Variants in CTNNA3 observed in about 807,000 individuals in gnomAD.
CTNNA3 encodes the protein catenin alpha 3.
In CTNNA3, 76 loss-of-function variants were observed where a neutral mutation model predicts 95.7. That is an observed-to-expected ratio of 0.79 (90% CI 0.66 to 0.96). The LOEUF is 0.96. Among genes scored for constraint, CTNNA3 ranks in the 40% least tolerant of loss-of-function variants. CTNNA3 has a pLI of 0.00. For missense variants in CTNNA3, 1,191 were observed against 1,089.8 expected (o/e 1.09, Z -1.31); for synonymous variants, 431 against 374.4 (o/e 1.15, Z -1.74).
chr10:67,420,638 T>C (rs1243207643), intron 5 of CTNNA3, among the ~76,000 whole-genome samples: 1 of 152,162 alleles, frequency 6.6e-6, no homozygotes, highest in Non-Finnish European at 1.5e-5. Context: ...CACATTATTA[T>C]ATTTATTTTA....
At chr10:66,128,108 A>G (rs1259326526) in intron 13 of CTNNA3, among the ~76,000 whole-genome samples, 1 of 152,184 alleles carries the variant, frequency 6.6e-6, no homozygotes. Context: ...ACTGTTTTAT[A>G]AGATAAAGTA....
intron 7 of CTNNA3, among the ~76,000 whole-genome samples, chr10:67,114,817 A>G (rs1859087970): frequency 6.6e-6 from 1 of 151,358 alleles, no homozygotes; most frequent in Non-Finnish European, 1.5e-5. Flanking sequence ...TCAGCCCTGA[A>G]GGGTACAATT....
chr10:66,499,046 A>G (rs1840191353), intron 11 of CTNNA3, among the ~76,000 whole-genome samples: 3 of 152,128 alleles, frequency 2.0e-5, no homozygotes, highest in Admixed American at 1.3e-4. Context: ...GTAAAACCTA[A>G]CCATCTGTAC....
intron 7 of CTNNA3, among the ~76,000 whole-genome samples, chr10:66,987,645 T>C (rs1850807793): frequency 6.6e-6 from 1 of 152,200 alleles, no homozygotes; most frequent in South Asian, 2.1e-4. Flanking sequence ...AAGCTTTGTA[T>C]AGTTAACTTT....
At chr10:66,088,173 C>T (rs2081060430) in intron 14 of CTNNA3, among the ~76,000 whole-genome samples, 1 of 151,872 alleles carries the variant, frequency 6.6e-6, no homozygotes, top group Non-Finnish European at 1.5e-5. Flanking sequence ...TCTGTACTTT[C>T]ATACAGAATA....
intron 13 of CTNNA3, among the ~76,000 whole-genome samples, chr10:66,207,107 G>T (rs1461833068): frequency 6.6e-6 from 1 of 151,404 alleles, no homozygotes; most frequent in Non-Finnish European, 1.5e-5. Context: ...AAAAGAGAAA[G>T]ATTATAAGAC....
chr10:66,716,154 G>C (rs1458458810), intron 9 of CTNNA3, among the ~76,000 whole-genome samples: 2 of 152,032 alleles, frequency 1.3e-5, no homozygotes, highest in African/African-American at 2.4e-5. Context: ...AAATGTAGGA[G>C]TACTATGATT....
At chr10:67,591,597 A>C (rs1842788596) in intron 3 of CTNNA3, among the ~76,000 whole-genome samples, 2 of 152,208 alleles carry the variant, frequency 1.3e-5, no homozygotes, top group African/African-American at 4.8e-5. Context: ...ACACAGGATT[A>C]TTAACCATAA....
intron 5 of CTNNA3, among the ~76,000 whole-genome samples, chr10:67,350,739 T>C (rs1057303543): frequency 6.6e-6 from 1 of 151,606 alleles, no homozygotes; most frequent in South Asian, 2.1e-4. Context: ...CTCTCATAGG[T>C]TGCTGATGAG....
chr10:67,530,423 G>A (rs917863531), intron 4 of CTNNA3, among the ~76,000 whole-genome samples: 6 of 152,222 alleles, frequency 3.9e-5, no homozygotes, highest in African/African-American at 1.4e-4. Flanking sequence ...GGGAACTGGA[G>A]CAAAGGTGAC....
At chr10:67,335,987 G>T (rs867285093) in intron 5 of CTNNA3, among the ~76,000 whole-genome samples, 7 of 151,012 alleles carry the variant, frequency 4.6e-5, no homozygotes, top group South Asian at 4.2e-4. Flanking sequence ...GTCACATTTT[G>T]GTAATTTCCA....
At chr10:67,723,288 C>CTTTTTTTTT (rs796834009) in intron 1 of CTNNA3, among the ~76,000 whole-genome samples, 1 of 140,990 alleles carries the variant, frequency 7.1e-6, no homozygotes, top group African/African-American at 2.6e-5. Context: ...CACCTGGCCT[C>CTTTTTTTTT]TTTTTTTTTT....
At chr10:67,446,618 G>A (rs10997645) in intron 5 of CTNNA3, among the ~76,000 whole-genome samples, 15,640 of 151,904 alleles carry the variant, frequency 0.1, 1,060 homozygotes, top group African/African-American at 0.18. Flanking sequence ...CTTTCTTCTC[G>A]CTTTGAAATG....
chr10:66,169,986 T>G (rs2085333300), intron 13 of CTNNA3, among the ~76,000 whole-genome samples: 2 of 152,168 alleles, frequency 1.3e-5, no homozygotes, highest in Admixed American at 1.3e-4. Context: ...TTTACTCTGC[T>G]GACTATTTCT....
intron 10 of CTNNA3, among the ~76,000 whole-genome samples, chr10:66,615,194 A>G (rs1241492305): frequency 6.6e-6 from 1 of 151,986 alleles, no homozygotes; most frequent in Non-Finnish European, 1.5e-5. Context: ...ATTTCCTTCT[A>G]TTTCACAAGC....
intron 5 of CTNNA3, among the ~76,000 whole-genome samples, chr10:67,320,851 G>C (rs1013982007): frequency 6.6e-6 from 1 of 152,166 alleles, no homozygotes; most frequent in South Asian, 2.1e-4. Context: ...ATTAAAAGAA[G>C]AGAATTGAGA....
At chr10:66,920,584 A>C (rs1846738599) in intron 7 of CTNNA3, among the ~76,000 whole-genome samples, 1 of 152,198 alleles carries the variant, frequency 6.6e-6, no homozygotes, top group Admixed American at 6.5e-5. Context: ...CTGTTCAAAA[A>C]CTACCTTTAA....
intron 9 of CTNNA3, among the ~76,000 whole-genome samples, chr10:66,628,347 T>A (rs1845011285): frequency 6.6e-6 from 1 of 152,030 alleles, no homozygotes; most frequent in African/African-American, 2.4e-5. Flanking sequence ...ATAAAAATGA[T>A]CCTAATTCTG....
chr10:66,880,303 T>C (rs1844797033), intron 7 of CTNNA3, among the ~76,000 whole-genome samples: 1 of 152,050 alleles, frequency 6.6e-6, no homozygotes, highest in Admixed American at 6.6e-5. Flanking sequence ...CTTTTCCATG[T>C]CATAGGGAAC....
Sources: allele counts gnomAD v4.1 joint callset (sites outside exome capture counted in the v4.1 genomes callset), GRCh38; gene constraint gnomAD v4.1.1; transcripts MANE v1.5; gene names NCBI Gene and HGNC (gene_info 2026-07-23, HGNC 2026-07-21).